PRKAA2: variants seen among roughly 807,000 people sequenced by gnomAD.
PRKAA2 encodes protein kinase AMP-activated catalytic subunit alpha 2.
PRKAA2 carries 40 observed loss-of-function variants against 56.3 expected under a neutral mutation model. The observed-to-expected ratio is 0.71, with a 90% CI of 0.55 to 0.92. PRKAA2 has a LOEUF of 0.92. Among genes scored for constraint, PRKAA2 ranks in the 40% least tolerant of loss-of-function variants. PRKAA2 has a pLI of 0.00. For missense variants in PRKAA2, 542 were observed against 686.9 expected, an observed-to-expected ratio of 0.79 and a Z score of 2.36; for synonymous variants, 214 against 234.2, an observed-to-expected ratio of 0.91 and a Z score of 0.79.
At chr1:56,702,319 G>T (rs1358392989) in intron 6 of PRKAA2, among the ~76,000 whole-genome samples, 2 of 152,082 alleles carry the variant, frequency 1.3e-5, no homozygotes, top group African/African-American at 2.4e-5. Context: ...CCGACCTCAG[G>T]TGATCCGCCT....
rs1644368622 is a variant in PRKAA2, at chr1:56,711,501, G to T, written c.*3788G>T. The T allele has an allele frequency of 6.6e-6, 1 of 152,118 alleles. No homozygotes were observed. The highest frequency in any genetic ancestry group is 2.4e-5 in the African/African-American group (1 of 41,430). 9.4% of individuals were successfully genotyped at this position (152,118 alleles called of 1,614,324 possible). On this transcript the variant is annotated 3_prime_UTR_variant, in exon 9 of 9. Transcript: ENST00000371244. ...TTACATCCTATTAATGGTTGTAAAA[G>T]CTGAGTGTCTAAATGCTAGACATGT...
At chr1:56,673,203 C>T (rs534040776) in intron 1 of PRKAA2, among the ~76,000 whole-genome samples, 4 of 151,896 alleles carry the variant, frequency 2.6e-5, no homozygotes, top group African/African-American at 9.7e-5. Flanking sequence ...GAGACCCCAT[C>T]TCTACAAAGA....
At chr1:56,682,553 T>TA (rs1424400497) in intron 2 of PRKAA2, among the ~76,000 whole-genome samples, 1 of 152,208 alleles carries the variant, frequency 6.6e-6, no homozygotes. Context: ...TCAGGAATTC[T>TA]AAGAGTAGAT....
At chr1:56,647,954 C>T (rs575629661) in intron 1 of PRKAA2, among the ~76,000 whole-genome samples, 11 of 150,312 alleles carry the variant, frequency 7.3e-5, no homozygotes, top group East Asian at 2.0e-4. Flanking sequence ...CACTTGGACC[C>T]GAGAGGCAGA....
chr1:56,676,737 A>T (rs1644116512), intron 2 of PRKAA2, among the ~76,000 whole-genome samples: 1 of 152,110 alleles, frequency 6.6e-6, no homozygotes, highest in African/African-American at 2.4e-5. Context: ...TTGTTAGTGA[A>T]CTGTGGCTTA....
At chr1:56,659,647 G>C (rs1024997329) in intron 1 of PRKAA2, among the ~76,000 whole-genome samples, 38 of 152,036 alleles carry the variant, frequency 2.5e-4, no homozygotes, top group African/African-American at 8.9e-4. Flanking sequence ...TAAAGCAGAG[G>C]TGTCATATCT....
intron 2 of PRKAA2, among the ~76,000 whole-genome samples, chr1:56,678,455 G>A (rs746025649): frequency 5.9e-5 from 9 of 152,028 alleles, no homozygotes; most frequent in Non-Finnish European, 1.3e-4. Context: ...GATATTTATT[G>A]CATGATTTCT....
At chr1:56,693,996 T>C (rs1245015637) in intron 5 of PRKAA2, 144 bp downstream of exon 5, 10 of 520,484 alleles carry the variant, frequency 1.9e-5, no homozygotes, top group Non-Finnish European at 3.3e-5. Context: ...AAAGGGATAA[T>C]GGTTATATCA....
At chr1:56,692,096 G>T (rs1428849080) in intron 3 of PRKAA2, among the ~76,000 whole-genome samples, 1 of 138,510 alleles carries the variant, frequency 7.2e-6, no homozygotes, top group East Asian at 2.1e-4. Context: ...GCAGTGGCAT[G>T]ATCTCAGCTC....
At chr1:56,683,640 A>T (rs993955476) in intron 2 of PRKAA2, among the ~76,000 whole-genome samples, 1 of 152,116 alleles carries the variant, frequency 6.6e-6, no homozygotes, top group Non-Finnish European at 1.5e-5. Context: ...GGGGAAATAG[A>T]CAATAAATCC....
chr1:56,702,772 C>G (rs1363816649), intron 6 of PRKAA2, among the ~76,000 whole-genome samples: 1 of 152,192 alleles, frequency 6.6e-6, no homozygotes, highest in Non-Finnish European at 1.5e-5. Flanking sequence ...TGATCACCTG[C>G]CTCTCATTCT....
intron 1 of PRKAA2, among the ~76,000 whole-genome samples, chr1:56,648,936 T>C (rs1252493128): frequency 2.8e-4 from 43 of 152,224 alleles, no homozygotes; most frequent in Admixed American, 2.8e-3. Context: ...TTGTGAGGAT[T>C]CTTTGTAAAT....
At chr1:56,662,877 A>G (rs1006102960) in intron 1 of PRKAA2, among the ~76,000 whole-genome samples, 5 of 152,280 alleles carry the variant, frequency 3.3e-5, no homozygotes, top group Admixed American at 1.3e-4. Flanking sequence ...GATGAGAGGA[A>G]TGAGCAGGAG....
chr1:56,645,662 C>T (rs910988617), intron 1 of PRKAA2, among the ~76,000 whole-genome samples, 181 bp downstream of exon 1: 3 of 151,904 alleles, frequency 2.0e-5, no homozygotes, highest in Non-Finnish European at 4.4e-5. Flanking sequence ...GCACCGGCGC[C>T]CGGGCCCCAC....
At chr1:56,700,360 C>T (rs1260688339) in intron 6 of PRKAA2, among the ~76,000 whole-genome samples, 1 of 152,122 alleles carries the variant, frequency 6.6e-6, no homozygotes, top group African/African-American at 2.4e-5. Flanking sequence ...AGTTGTAACT[C>T]TGCCTTAGCC....
chr1:56,706,214 T>C lies in PRKAA2; in HGVS notation c.1416T>C (p.Ile472=), dbSNP rs764986574. 3 of 1,613,034 alleles carry C rather than the reference T, an allele frequency of 1.9e-6. No individual in the cohort carries two copies. Among genetic ancestry groups the C allele is most frequent in the East Asian group, 2.2e-5 (1 of 44,854 alleles). Residue 472 remains isoleucine, a synonymous_variant, in exon 8 of 9, where the codon ATT becomes ATC. Transcript: ENST00000371244. ...GCTATCTTTTGGACTTTAAAAGCAT[T>C]GATGGTAAGGAAGCTATGCATGCAT... ...NRSYLLDFKS[I]DDEVVEQRSG...
chr1:56,663,437 C>T (rs1644010831), intron 1 of PRKAA2, among the ~76,000 whole-genome samples: 2 of 152,180 alleles, frequency 1.3e-5, no homozygotes, highest in African/African-American at 4.8e-5. Context: ...ACCACTTCCA[C>T]CTCTTGGTAG....
At chr1:56,693,409 G>A (rs971472448) in intron 4 of PRKAA2, among the ~76,000 whole-genome samples, 2 of 152,108 alleles carry the variant, frequency 1.3e-5, no homozygotes, top group Non-Finnish European at 2.9e-5. Context: ...CAAAAAAGTA[G>A]TAGTCTCTAT....
At chr1:56,663,521 C>T (rs1159741371) in intron 1 of PRKAA2, among the ~76,000 whole-genome samples, 3 of 152,094 alleles carry the variant, frequency 2.0e-5, no homozygotes, top group Non-Finnish European at 4.4e-5. Context: ...TACAACTCTT[C>T]GAAGAAATGC....
Sources: gnomAD v4.1 joint callset for allele counts (sites outside exome capture counted in the v4.1 genomes callset) on GRCh38, gnomAD v4.1.1 for gene constraint, MANE v1.5 for transcripts, NCBI Gene and HGNC (gene_info 2026-07-23, HGNC 2026-07-21) for gene names.